The following CD109 variants were observed in gnomAD, a reference collection of about 807,000 sequenced individuals.
CD109 encodes the protein CD109 molecule, also known as CD109 antigen.
In CD109, 149 loss-of-function variants were observed where a neutral mutation model predicts 165.8. The ratio of observed to expected loss-of-function variants is 0.90; its 90% CI spans 0.79 to 1.03. The LOEUF (loss-of-function observed/expected upper bound fraction) is 1.03, where lower values mean the gene tolerates loss of function less well. Ranked by LOEUF, CD109 falls within the 50% of genes least tolerant of loss-of-function variation. The probability of loss-of-function intolerance (pLI) is 0.00; values close to 1 mark genes in which losing one functional copy is unlikely to be tolerated. For missense variants in CD109, 1,712 were observed against 1,677.8 expected, an observed-to-expected ratio of 1.02 and a Z score of -0.36; for synonymous variants, 585 against 592.1, an observed-to-expected ratio of 0.99 and a Z score of 0.18.
Position 73,827,821 on chromosome 6 carries a change from G to A in CD109, c.*4188G>A, listed in dbSNP as rs1018317670. On this transcript the variant is annotated 3_prime_UTR_variant, in exon 33 of 33. Transcript: ENST00000287097. ...AACAGTTATAAATTGGTATACATGT[G>A]TCTCTGTAATAGGGATAATATTGAT... 1.3e-5 allele frequency: 2 copies of A among 152,244 alleles called. No homozygotes were observed. Among genetic ancestry groups the A allele is most frequent in the Non-Finnish European group, 2.9e-5 (2 of 68,062 alleles). The allele number at this position is 152,244 out of a possible 1,614,324, so 9.4% of individuals were successfully genotyped here.
At chr6:73,767,059 T>C (rs756127542) in intron 13 of CD109, 49 bp downstream of exon 13, 13 of 1,502,802 alleles carry the variant, frequency 8.7e-6, no homozygotes, top group Non-Finnish European at 8.2e-6. Context: ...GAATCATCTT[T>C]TTATTCACTT....
intron 22 of CD109, among the ~76,000 whole-genome samples, chr6:73,790,578 G>A (rs751653289): frequency 3.3e-5 from 5 of 152,166 alleles, no homozygotes; most frequent in African/African-American, 4.8e-5. Context: ...TGGAGACCCA[G>A]GAAGGCTGGT....
chr6:73,706,259 A>G (rs1338293799), intron 2 of CD109, among the ~76,000 whole-genome samples: 1 of 152,234 alleles, frequency 6.6e-6, no homozygotes, highest in African/African-American at 2.4e-5. Flanking sequence ...GTGGCAGACC[A>G]GAATGAGAAA....
intron 23 of CD109, among the ~76,000 whole-genome samples, chr6:73,797,766 G>A (rs7763030): frequency 0.54 from 82,219 of 151,814 alleles, 22,759 homozygotes; most frequent in African/African-American, 0.66. Flanking sequence ...TACATTCATG[G>A]TTATCCCAAA....
chr6:73,778,467 C>T (rs1191998976), intron 15 of CD109, among the ~76,000 whole-genome samples: 5 of 152,158 alleles, frequency 3.3e-5, no homozygotes, highest in Non-Finnish European at 7.3e-5. Context: ...TGAGAGAGGG[C>T]ATTCTTGTCT....
At chr6:73,799,921 A>G (rs1323810857) in intron 23 of CD109, among the ~76,000 whole-genome samples, 1 of 151,136 alleles carries the variant, frequency 6.6e-6, no homozygotes, top group African/African-American at 2.4e-5. Flanking sequence ...CAGTGGCACA[A>G]TCATGGTTCA....
At chr6:73,721,366 CTTTTTTT>C (rs200895014) in intron 2 of CD109, among the ~76,000 whole-genome samples, 1 of 138,756 alleles carries the variant, frequency 7.2e-6, no homozygotes, top group Non-Finnish European at 1.6e-5. Flanking sequence ...ATTTTTATTT[CTTTTTTT>C]TTTTTTTTTG....
the CD109 span, among the ~76,000 whole-genome samples, chr6:73,685,387 C>T: frequency 6.6e-6 from 1 of 151,674 alleles, no homozygotes; most frequent in Non-Finnish European, 1.5e-5. Context: ...GATGCAATCC[C>T]AGTTGTCTAT....
chr6:73,781,794 CAGAGACATAG>C (rs1197486244), intron 17 of CD109, among the ~76,000 whole-genome samples: 3 of 112,744 alleles, frequency 2.7e-5, no homozygotes, highest in South Asian at 2.7e-4. Context: ...CACACACACA[CAGAGACATAG>C]ACACACACGC....
At chr6:73,762,720 C>A in intron 8 of CD109, 21 bp from the exon 9 acceptor site, 1 of 1,572,910 alleles carries the variant, frequency 6.4e-7, no homozygotes, top group South Asian at 1.2e-5. Flanking sequence ...GTAAATAATA[C>A]TGAACTTTTA....
chr6:73,691,741 T>TA (rs1770695918), upstream of CD109, among the ~76,000 whole-genome samples: 2 of 152,186 alleles, frequency 1.3e-5, no homozygotes, highest in African/African-American at 4.8e-5. Flanking sequence ...CAAACTGCCC[T>TA]ACCAGCTCCC....
intron 4 of CD109, among the ~76,000 whole-genome samples, chr6:73,733,341 A>G (rs1772434043): frequency 6.6e-6 from 1 of 152,162 alleles, no homozygotes; most frequent in Non-Finnish European, 1.5e-5. Flanking sequence ...TGGCTGCAGG[A>G]TGTAGCTAAG....
chr6:73,772,036 A>G (rs1001106876), intron 15 of CD109, among the ~76,000 whole-genome samples: 3 of 152,222 alleles, frequency 2.0e-5, no homozygotes, highest in African/African-American at 4.8e-5. Flanking sequence ...CCATAAATAT[A>G]TACAATAAAA....
At chr6:73,715,064 G>A (rs2150159869) in intron 2 of CD109, among the ~76,000 whole-genome samples, 1 of 152,284 alleles carries the variant, frequency 6.6e-6, no homozygotes, top group East Asian at 1.9e-4. Context: ...TTCGAGACCA[G>A]CCTGGCCAAC....
In CD109 at chr6:73,753,237, A is replaced by G. The variant is rs529118216; in HGVS notation, c.634-3406A>G. 3.3e-5 allele frequency among the ~76,000 whole-genome samples: 5 copies of G among 152,314 alleles called. No homozygotes were observed. In the South Asian group the frequency reaches 8.3e-4, roughly 25 times the overall value. On this transcript the variant is annotated intron_variant, in intron 5 of 32. Transcript: ENST00000287097. ...GCCTGCAAAGCCTAAAATATTTACT[A>G]TCCCACTCTTTACAGGAAAAGTTTG...
chr6:73,747,508 C>G lies in CD109; in HGVS notation c.634-9135C>G, dbSNP rs74936847. On this transcript the variant is annotated intron_variant, in intron 5 of 32. Transcript: ENST00000287097. ...TTTTAAGTTTCTTTCATTTCTCACT[C>G]TAGGGAAGTTCACCCGAAGGCATGG... Among the ~76,000 whole-genome samples the G allele has an allele frequency of 6.5e-3, 984 of 152,272 alleles. 17 individuals carry two copies. The highest frequency in any genetic ancestry group is 0.061 in the East Asian group (315 of 5,170).
At chr6:73,747,711 A>G (rs1773032196) in intron 5 of CD109, among the ~76,000 whole-genome samples, 1 of 151,804 alleles carries the variant, frequency 6.6e-6, no homozygotes, top group Admixed American at 6.6e-5. Flanking sequence ...ATCTTTCCCC[A>G]CCACACCTGG....
chr6:73,810,185 A>G lies in CD109; in HGVS notation c.3546+11A>G. 2 of 1,487,716 alleles carry G rather than the reference A, an allele frequency of 1.3e-6. No homozygotes were observed. Among genetic ancestry groups the G allele is most frequent in the Non-Finnish European group, 1.8e-6 (2 of 1,114,564 alleles). The allele number at this position is 1,487,716 out of a possible 1,614,324, so 92.2% of individuals were successfully genotyped here. On this transcript the variant is annotated intron_variant, in intron 27 of 32. Coordinates refer to ENST00000287097, the MANE Select transcript of CD109 (RefSeq NM_133493.5). ...TTTGCATCTACTCAGGTGAGAGATG[A>G]TAGTTTTTTCCCTTTAAACTATAAT...
At chr6:73,753,032 T>G (rs190623545) in intron 5 of CD109, among the ~76,000 whole-genome samples, 83 of 152,222 alleles carry the variant, frequency 5.5e-4, no homozygotes, top group African/African-American at 1.9e-3. Flanking sequence ...AAATACATTT[T>G]ATTCCTTTTT....
Sources: allele counts gnomAD v4.1 joint callset (sites outside exome capture counted in the v4.1 genomes callset), GRCh38; gene constraint gnomAD v4.1.1; transcripts MANE v1.5; gene names NCBI Gene and HGNC (gene_info 2026-07-23, HGNC 2026-07-21).